CUX1: variants seen among roughly 807,000 people sequenced by gnomAD.
CUX1 encodes protein CASP.
In CUX1, 31 loss-of-function variants were observed where a neutral mutation model predicts 158.8. The ratio of observed to expected loss-of-function variants is 0.20; its 90% CI spans 0.15 to 0.26. CUX1 has a LOEUF of 0.26. Ranked by LOEUF, CUX1 falls within the 10% of genes least tolerant of loss-of-function variation. The pLI, the probability that CUX1 is intolerant of heterozygous loss-of-function variation, is 1.00. For synonymous variants in CUX1, 879 were observed against 862.1 expected (o/e 1.02, Z -0.34); for missense variants, 1,589 against 2,014.6 (o/e 0.79, Z 4.04).
chr7:102,084,550 G>A lies in CUX1; in HGVS notation c.269-12814G>A, dbSNP rs1230990633. ...GCAATTCCCTGCCTCAGCCTCCCAA[G>A]TAGCTGGGATTACAGGTGCCCGCCA... On this transcript the variant is annotated intron_variant, in intron 4 of 23. Coordinates refer to ENST00000292535, the MANE Select transcript of CUX1 (RefSeq NM_181552.4). 1.4e-5 allele frequency among the ~76,000 whole-genome samples: 2 copies of A among 143,720 alleles called. 1 individual carries two copies. The highest frequency in any genetic ancestry group is 3.1e-5 in the Non-Finnish European group (2 of 63,980). The allele number at this position is 143,720 out of a possible 152,430, so 94.3% of individuals were successfully genotyped here. A position where few individuals can be genotyped will look rare whatever the true frequency, so the allele number is the denominator to read the frequency against.
At chr7:102,018,096 A>C (rs1047283414) in intron 2 of CUX1, among the ~76,000 whole-genome samples, 9 of 152,104 alleles carry the variant, frequency 5.9e-5, no homozygotes, top group Non-Finnish European at 1.0e-4. Flanking sequence ...AGCTCGCACT[A>C]TAGGCACTTG....
chr7:102,257,324 T>G lies in CUX1; in HGVS notation c.*8282T>G, dbSNP rs1356587482. 38 of 984,952 alleles carry G rather than the reference T, an allele frequency of 3.9e-5. No homozygotes were observed. Among genetic ancestry groups the G allele is most frequent in the Non-Finnish European group, 4.5e-5 (37 of 829,844 alleles). The allele number at this position is 984,952 out of a possible 1,614,324, so 61.0% of individuals were successfully genotyped here. On this transcript the variant is annotated 3_prime_UTR_variant, in exon 24 of 24. Coordinates refer to ENST00000292535, the MANE Select transcript of CUX1 (RefSeq NM_181552.4). ...CAGAAGCCTTTTTTTTTTTCATTTT[T>G]CTCTAATTAGTCTATGCATTTCTCT...
Position 101,874,422 on chromosome 7 carries a change from G to A in CUX1, c.31-41693G>A, listed in dbSNP as rs530986537. On this transcript the variant is annotated intron_variant, in intron 1 of 23. Transcript: ENST00000292535. ...CATGGTGATTTGGAACTCCCTGGGA[G>A]CCCTCGAACTTTTCTCTAAACTCCA... is the stretch of plus-strand genomic sequence containing the variant. 2.6e-5 allele frequency among the ~76,000 whole-genome samples: 4 copies of A among 152,334 alleles called. No homozygotes were observed. The East Asian group carries it at 7.7e-4, about 29-fold the overall frequency.
intron 2 of CUX1, among the ~76,000 whole-genome samples, chr7:101,984,078 A>C (rs1157225721): frequency 6.1e-3 from 28 of 4,596 alleles, no homozygotes; most frequent in African/African-American, 0.042. Flanking sequence ...GTCCCCCCCC[A>C]AAAAAAAAAA....
chr7:102,216,627 A>G (rs1391502621), intron 20 of CUX1, among the ~76,000 whole-genome samples: 1 of 96,448 alleles, frequency 1.0e-5, no homozygotes, highest in Non-Finnish European at 2.1e-5. Context: ...CCCCACACAC[A>G]CACCCCCACA....
intron 3 of CUX1, among the ~76,000 whole-genome samples, chr7:102,029,864 C>T (rs1820512346): frequency 3.9e-5 from 6 of 152,178 alleles, no homozygotes; most frequent in Admixed American, 3.9e-4. Context: ...TGTTACCTGT[C>T]CAGCGGCTTT....
At chr7:102,106,099 T>C (rs1554488340) in intron 6 of CUX1, among the ~76,000 whole-genome samples, 1 of 136,074 alleles carries the variant, frequency 7.3e-6, no homozygotes, top group African/African-American at 2.8e-5. Flanking sequence ...TTTTTTTTTT[T>C]TTTTTTGAGA....
At chr7:102,217,226 G>A (rs191363160) in intron 20 of CUX1, among the ~76,000 whole-genome samples, 7 of 152,298 alleles carry the variant, frequency 4.6e-5, no homozygotes, top group African/African-American at 1.4e-4. Context: ...TACCAAAATC[G>A]AATTGTAATT....
rs544027085 is a variant in CUX1, at chr7:102,111,899, G to A, written c.607+125G>A. On this transcript the variant is annotated intron_variant, in intron 7 of 23. Transcript: ENST00000292535. ...TCTTCGGGGCCGTGGGAGCTGCCGG[G>A]AGCCCACGCTGAAGAATTCCGCAGC... 977 of 756,964 alleles carry A rather than the reference G, an allele frequency of 1.3e-3. 1 individual carries two copies. Among genetic ancestry groups the A allele is most frequent in the Admixed American group, 5.3e-3 (217 of 41,164 alleles). The allele number at this position is 756,964 out of a possible 1,614,324, so 46.9% of individuals were successfully genotyped here.
upstream of CUX1, chr7:101,817,288 G>A (rs1791953552): frequency 5.1e-6 from 5 of 984,836 alleles, no homozygotes; most frequent in South Asian, 1.9e-4. This position sits in a 1 kb window ranked among gnomAD's most constrained non-coding sequence, Gnocchi z 4.1. Context: ...TGCGGCGCCG[G>A]GTCCCTTCCT....
downstream of CUX1, among the ~76,000 whole-genome samples, chr7:102,260,102 G>GA (rs1412826601): frequency 4.4e-5 from 4 of 90,758 alleles, no homozygotes; most frequent in African/African-American, 1.2e-4. Flanking sequence ...ATCTTGGGGG[G>GA]AAAAAAAAAA....
chr7:102,069,122 C>T (rs1025689922), intron 3 of CUX1, among the ~76,000 whole-genome samples: 9 of 152,120 alleles, frequency 5.9e-5, no homozygotes, highest in Non-Finnish European at 1.3e-4. Flanking sequence ...TCCTCGACAC[C>T]CACAACCACT....
chr7:102,220,583 G>A (rs1204383845), intron 20 of CUX1, among the ~76,000 whole-genome samples: 5 of 152,240 alleles, frequency 3.3e-5, no homozygotes, highest in South Asian at 4.1e-4. Flanking sequence ...TGTCAGCACC[G>A]GTCGCTGGAA....
intron 23 of CUX1, among the ~76,000 whole-genome samples, chr7:102,241,942 T>G (rs1383449511): frequency 6.6e-6 from 1 of 152,090 alleles, no homozygotes; most frequent in African/African-American, 2.4e-5. Flanking sequence ...TGCACTCCAG[T>G]CTGGGTGATA....
At chr7:102,112,160 T>A (rs1830965692) in intron 7 of CUX1, 1 of 159,776 alleles carries the variant, frequency 6.3e-6, no homozygotes, top group South Asian at 2.0e-4. Context: ...AGAACAGTAA[T>A]TTCAGACCTT....
intron 9 of CUX1, among the ~76,000 whole-genome samples, chr7:102,162,569 G>A (rs879979109): frequency 1.3e-5 from 2 of 151,590 alleles, no homozygotes; most frequent in African/African-American, 2.4e-5. Context: ...ATGGCACCAC[G>A]CATGGCTAAT....
intron 8 of CUX1, among the ~76,000 whole-genome samples, chr7:102,132,429 G>T (rs143481938): frequency 3.0e-4 from 46 of 152,004 alleles, no homozygotes; most frequent in African/African-American, 1.1e-3. Context: ...TCTACTATGA[G>T]CATCTCAAAC....
At chr7:101,886,753 G>A (rs140214435) in intron 1 of CUX1, among the ~76,000 whole-genome samples, 48 of 152,282 alleles carry the variant, frequency 3.2e-4, no homozygotes, top group Non-Finnish European at 5.7e-4. Flanking sequence ...GCAGGCACAA[G>A]GTGGGCCTGG....
chr7:101,966,745 G>A (rs866751388), intron 2 of CUX1, among the ~76,000 whole-genome samples: 2 of 152,112 alleles, frequency 1.3e-5, no homozygotes, highest in Non-Finnish European at 1.5e-5. Context: ...CTTGAGGGTC[G>A]TTACCCACGG....
Sources: gnomAD v4.1 joint callset for allele counts (sites outside exome capture counted in the v4.1 genomes callset) on GRCh38, gnomAD v4.1.1 for gene constraint, Gnocchi (gnomAD v3.1) non-coding constraint, MANE v1.5 for transcripts, NCBI Gene and HGNC (gene_info 2026-07-23, HGNC 2026-07-21) for gene names.